The following SEMA3E variants were observed in gnomAD, a reference collection of about 807,000 sequenced individuals.
The protein encoded by SEMA3E is semaphorin 3E, also known as semaphorin-3E.
SEMA3E carries 49 observed loss-of-function variants against 93.6 expected under a neutral mutation model. The observed-to-expected ratio is 0.52, with a 90% CI of 0.42 to 0.66. SEMA3E has a LOEUF of 0.66. Among genes scored for constraint, SEMA3E ranks in the 30% least tolerant of loss-of-function variants. The probability of loss-of-function intolerance (pLI) is 0.00; values close to 1 mark genes in which losing one functional copy is unlikely to be tolerated. For missense variants in SEMA3E, 906 were observed against 964.8 expected, an observed-to-expected ratio of 0.94 and a Z score of 0.81; for synonymous variants, 363 against 330.7, an observed-to-expected ratio of 1.10 and a Z score of -1.06.
intron 1 of SEMA3E, among the ~76,000 whole-genome samples, chr7:83,548,866 C>T (rs938334115): frequency 6.6e-6 from 1 of 152,056 alleles, no homozygotes; most frequent in African/African-American, 2.4e-5. Context: ...AAGGACCTAT[C>T]TTATTCACAA....
intron 1 of SEMA3E, among the ~76,000 whole-genome samples, chr7:83,559,452 C>T (rs1791983014): frequency 6.6e-6 from 1 of 151,900 alleles, no homozygotes; most frequent in African/African-American, 2.4e-5. Context: ...ATTCAGATGA[C>T]AAATGAGCAA....
chr7:83,436,253 T>G (rs1346006617), intron 4 of SEMA3E, among the ~76,000 whole-genome samples: 1 of 151,400 alleles, frequency 6.6e-6, no homozygotes, highest in Non-Finnish European at 1.5e-5. Context: ...ATCTAAAAGG[T>G]CAGGCATAAT....
intron 16 of SEMA3E, among the ~76,000 whole-genome samples, chr7:83,384,711 A>G (rs1787845146): frequency 6.6e-6 from 1 of 151,940 alleles, no homozygotes; most frequent in South Asian, 2.1e-4. Context: ...TTCCATCTCT[A>G]CAAGCATCCA....
chr7:83,467,032 A>C (rs1265569731), intron 3 of SEMA3E, among the ~76,000 whole-genome samples: 1 of 149,020 alleles, frequency 6.7e-6, no homozygotes, highest in East Asian at 2.0e-4. Flanking sequence ...GAAAAAGCAT[A>C]GTTATTCATA....
chr7:83,554,493 T>C (rs1230158409), intron 1 of SEMA3E, among the ~76,000 whole-genome samples: 1 of 151,844 alleles, frequency 6.6e-6, no homozygotes, highest in South Asian at 2.1e-4. Context: ...TCTAGAGATG[T>C]AGACACATTC....
Position 83,406,003 on chromosome 7 carries a change from C to A in SEMA3E, c.870G>T (p.Ala290=), listed in dbSNP as rs756513699. ...LVNKWSTFLK[A]RLVCSVPGMN... ...TTCCTGGTACTGAGCAAACGAGTCT[C>A]GCTTTTAGGAAAGTGCTCCACTTAT... Residue 290 remains alanine, a synonymous_variant, in exon 8 of 17, where the codon GCG becomes GCT. Transcript: ENST00000643230. 4.3e-6 allele frequency: 7 copies of A among 1,613,432 alleles called. No individual in the cohort carries two copies. The highest frequency in any genetic ancestry group is 5.9e-6 in the Non-Finnish European group (7 of 1,179,532).
rs571750211 is a variant in SEMA3E at position 83,411,826 on chromosome 7, C to T, written c.551-3339G>A. Among the ~76,000 whole-genome samples the T allele has an allele frequency of 5.9e-5, 9 of 152,074 alleles. No homozygotes were observed. In the East Asian group the frequency reaches 1.5e-3, roughly 26 times the overall value. On this transcript the variant is annotated intron_variant, in intron 5 of 16. Coordinates refer to ENST00000643230, the MANE Select transcript of SEMA3E (RefSeq NM_012431.3). ...AACATTTTATAAAAAGATTAAAATA[C>T]CTTTTAGGGCTTCAGTTATAACAGA...
intron 4 of SEMA3E, among the ~76,000 whole-genome samples, chr7:83,448,190 T>C (rs1432612713): frequency 6.6e-6 from 1 of 152,232 alleles, no homozygotes; most frequent in Admixed American, 6.5e-5. Flanking sequence ...TAGGTACATC[T>C]GTTCCATATC....
In SEMA3E at chr7:83,405,435, G is replaced by A. The variant is rs780726825; in HGVS notation, c.998+15C>T. On this transcript the variant is annotated intron_variant, in intron 9 of 16. Coordinates refer to ENST00000643230, the MANE Select transcript of SEMA3E (RefSeq NM_012431.3). Reference sequence around the variant, plus strand: ...TTGTTCTATATTGTTTTTATTGACTGTATAAATTTCTCACCTGGTAGTGTT... The same window carrying A: ...TTGTTCTATATTGTTTTTATTGACTATATAAATTTCTCACCTGGTAGTGTT... The A allele has an allele frequency of 3.8e-6, 6 of 1,578,590 alleles. No individual in the cohort carries two copies. In the East Asian group the frequency reaches 1.1e-4, roughly 29 times the overall value.
At chr7:83,575,991 T>C (rs1362956782) in intron 1 of SEMA3E, among the ~76,000 whole-genome samples, 1 of 152,320 alleles carries the variant, frequency 6.6e-6, no homozygotes, top group East Asian at 1.9e-4. Context: ...CGATGTATTG[T>C]TACATTAGTT....
chr7:83,415,255 G>A (rs1175280285), intron 5 of SEMA3E, among the ~76,000 whole-genome samples: 3 of 152,174 alleles, frequency 2.0e-5, no homozygotes, highest in African/African-American at 7.2e-5. Context: ...GTCTTCCTCA[G>A]ACAGTTACTT....
intron 1 of SEMA3E, among the ~76,000 whole-genome samples, chr7:83,616,990 G>A (rs970166999): frequency 6.6e-6 from 1 of 152,090 alleles, no homozygotes; most frequent in Non-Finnish European, 1.5e-5. Context: ...CTCCCAAAGT[G>A]CTGGGATTAC....
chr7:83,502,771 C>T (rs1790620022), intron 1 of SEMA3E, among the ~76,000 whole-genome samples: 1 of 152,068 alleles, frequency 6.6e-6, no homozygotes, highest in Non-Finnish European at 1.5e-5. Flanking sequence ...GGAACATGTT[C>T]CATAAGAAAT....
chr7:83,458,504 T>C (rs1251182197), intron 4 of SEMA3E, among the ~76,000 whole-genome samples: 1 of 152,126 alleles, frequency 6.6e-6, no homozygotes, highest in African/African-American at 2.4e-5. Context: ...CTAGAAGCTG[T>C]GGTATGTACC....
intron 4 of SEMA3E, among the ~76,000 whole-genome samples, chr7:83,422,375 A>G (rs1191905011): frequency 1.3e-5 from 2 of 152,176 alleles, no homozygotes; most frequent in Non-Finnish European, 1.5e-5. Flanking sequence ...GGCAGTTTGC[A>G]ATGACATGAG....
At chr7:83,469,457 A>T (rs2115891618) in intron 2 of SEMA3E, among the ~76,000 whole-genome samples, 155 bp from the exon 3 acceptor site, 1 of 150,514 alleles carries the variant, frequency 6.6e-6, no homozygotes, top group East Asian at 1.9e-4. Context: ...TATTCACAGA[A>T]TTATTTGCAT....
At chr7:83,398,513 C>T (rs1387251074) in intron 11 of SEMA3E, among the ~76,000 whole-genome samples, 7 of 152,042 alleles carry the variant, frequency 4.6e-5, no homozygotes, top group Admixed American at 3.9e-4. Context: ...CTGATGACAC[C>T]GTTAATCATG....
At chr7:83,546,749 T>C (rs1321850456) in intron 1 of SEMA3E, among the ~76,000 whole-genome samples, 1 of 152,024 alleles carries the variant, frequency 6.6e-6, no homozygotes, top group Admixed American at 6.6e-5. Context: ...CAATGGAAAA[T>C]AAATTAATGA....
chr7:83,437,220 G>A (rs1469860178), intron 4 of SEMA3E, among the ~76,000 whole-genome samples: 1 of 151,964 alleles, frequency 6.6e-6, no homozygotes, highest in East Asian at 1.9e-4. Context: ...TTGGATAACT[G>A]GATTGTCATC....
Sources: allele counts gnomAD v4.1 joint callset (sites outside exome capture counted in the v4.1 genomes callset), GRCh38; gene constraint gnomAD v4.1.1; transcripts MANE v1.5; gene names NCBI Gene and HGNC (gene_info 2026-07-23, HGNC 2026-07-21).